Variants in HNRNPC observed in about 807,000 individuals in gnomAD.
HNRNPC encodes the protein heterogeneous nuclear ribonucleoprotein C, also known as heterogeneous nuclear ribonucleoproteins C1/C2.
In HNRNPC, 3 loss-of-function variants were observed where a neutral mutation model predicts 33.2. The ratio of observed to expected loss-of-function variants is 0.09; its 90% CI spans 0.04 to 0.23. The LOEUF (loss-of-function observed/expected upper bound fraction) is 0.23, where lower values mean the gene tolerates loss of function less well. Among genes scored for constraint, HNRNPC ranks in the 10% least tolerant of loss-of-function variants. The pLI is 1.00. For synonymous variants in HNRNPC, 121 were observed against 126.7 expected (o/e 0.96, Z 0.30); for missense variants, 143 against 366.7 (o/e 0.39, Z 4.98).
At chr14:21,226,550 G>T (rs1311817139) in intron 5 of HNRNPC, among the ~76,000 whole-genome samples, 1 of 146,664 alleles carries the variant, frequency 6.8e-6, no homozygotes, top group Non-Finnish European at 1.5e-5. Context: ...CAAAACCAGC[G>T]CCTTCAAATG....
intron 2 of HNRNPC, among the ~76,000 whole-genome samples, chr14:21,238,334 A>G (rs1426114849): frequency 6.6e-6 from 1 of 152,240 alleles, no homozygotes; most frequent in Non-Finnish European, 1.5e-5. Flanking sequence ...CTGAAAACGT[A>G]CAATACATAG....
chr14:21,218,040 G>C (rs942803382), intron 5 of HNRNPC, among the ~76,000 whole-genome samples: 3 of 151,724 alleles, frequency 2.0e-5, no homozygotes, highest in African/African-American at 7.2e-5. Context: ...TTTAAGAAAG[G>C]GAAAAAAAAA....
At chr14:21,256,644 G>C (rs779101363) in intron 2 of HNRNPC, among the ~76,000 whole-genome samples, 1 of 151,862 alleles carries the variant, frequency 6.6e-6, no homozygotes, top group South Asian at 2.1e-4. Context: ...AGAGCTGACA[G>C]CATTTTTTCC....
At chr14:21,246,435 G>GGTAC (rs1895987814) in intron 2 of HNRNPC, among the ~76,000 whole-genome samples, 1 of 151,872 alleles carries the variant, frequency 6.6e-6, no homozygotes, top group Non-Finnish European at 1.5e-5. Flanking sequence ...GCGTGTTGGC[G>GGTAC]GGTACCTGTA....
At chr14:21,255,346 G>C (rs1876985634) in intron 2 of HNRNPC, among the ~76,000 whole-genome samples, 2 of 152,024 alleles carry the variant, frequency 1.3e-5, no homozygotes, top group South Asian at 4.1e-4. Flanking sequence ...AATCAGATTA[G>C]GTAGAAATAA....
chr14:21,241,904 T>TA (rs1426575110), intron 2 of HNRNPC, among the ~76,000 whole-genome samples: 9 of 152,320 alleles, frequency 5.9e-5, no homozygotes, highest in African/African-American at 1.9e-4. Context: ...GAACACATTA[T>TA]GTTAACTGCT....
At chr14:21,242,979 G>A (rs1316101954) in intron 2 of HNRNPC, among the ~76,000 whole-genome samples, 2 of 152,116 alleles carry the variant, frequency 1.3e-5, no homozygotes, top group African/African-American at 4.8e-5. Context: ...ACAAAGATAA[G>A]CTGGGTGTGG....
At position 21,257,988 on chromosome 14, in the gene HNRNPC, TA is replaced by T. The variant is rs1400465028; in HGVS notation, c.-37+5322del. ...CACATATACACATCTTTAAGCCATTTAAGGTGTTGGGAAATCAAGGGCAAAA... is the reference window on the plus strand; with the variant it reads ...CACATATACACATCTTTAAGCCATTTAGGTGTTGGGAAATCAAGGGCAAAA... On this transcript the variant is annotated intron_variant, in intron 2 of 8. Transcript: ENST00000553300. Among the ~76,000 whole-genome samples the T allele has an allele frequency of 3.3e-5, 5 of 152,360 alleles. No individual in the cohort carries two copies. In the East Asian group the frequency reaches 9.6e-4, roughly 29 times the overall value.
chr14:21,219,395 T>C (rs1892585234), intron 5 of HNRNPC, among the ~76,000 whole-genome samples: 1 of 152,238 alleles, frequency 6.6e-6, no homozygotes, highest in African/African-American at 2.4e-5. Context: ...TTTTCTATGC[T>C]GACTCCAATT....
chr14:21,231,270 A>G (rs1894079756), intron 3 of HNRNPC, 198 bp from the exon 4 acceptor site: 1 of 673,444 alleles, frequency 1.5e-6, no homozygotes, highest in South Asian at 1.5e-5. Flanking sequence ...AGTAACTGTC[A>G]CTACAGGCGG....
chr14:21,247,665 C>T (rs1375208128), intron 2 of HNRNPC, among the ~76,000 whole-genome samples: 1 of 151,862 alleles, frequency 6.6e-6, no homozygotes, highest in African/African-American at 2.4e-5. Flanking sequence ...AATACCTATC[C>T]TTGGCTGGGT....
At chr14:21,267,528 G>A (rs1462192017) in intron 1 of HNRNPC, among the ~76,000 whole-genome samples, 1 of 151,288 alleles carries the variant, frequency 6.6e-6, no homozygotes, top group Non-Finnish European at 1.5e-5. Context: ...GTATTCCCGA[G>A]AGTGGCACTA....
In HNRNPC at chr14:21,230,005, C is replaced by T. The variant is rs146298779; in HGVS notation, c.365+314G>A. On this transcript the variant is annotated intron_variant, in intron 5 of 8. Coordinates refer to ENST00000553300, the MANE Select transcript of HNRNPC (RefSeq NM_004500.4). ...CATCCTATTTCCTGTTAAGCATTTG[C>T]TATCAACAGTTCTAAATCTGTTACC... Among the ~76,000 whole-genome samples the T allele has an allele frequency of 1.2e-3, 177 of 152,266 alleles. 1 individual carries two copies. The East Asian group carries it at 0.025, about 22-fold the overall frequency.
rs1891446771 is a variant in HNRNPC at position 21,209,999 on chromosome 14, T to C, written c.*1224A>G. On this transcript the variant is annotated 3_prime_UTR_variant, in exon 9 of 9. Coordinates refer to ENST00000553300, the MANE Select transcript of HNRNPC (RefSeq NM_004500.4). Reference sequence around the variant, plus strand: ...AGAGTAAAATAAATGTGTAACATTCTCTATGTTCTCAATCACCTGGGAAGG... The same window carrying C: ...AGAGTAAAATAAATGTGTAACATTCCCTATGTTCTCAATCACCTGGGAAGG... The C allele has an allele frequency of 6.6e-6, 1 of 152,202 alleles. No individual in the cohort carries two copies. The highest frequency in any genetic ancestry group is 2.1e-4 in the South Asian group (1 of 4,836). 9.4% of individuals were successfully genotyped at this position (152,202 alleles called of 1,614,324 possible). A position where few individuals can be genotyped will look rare whatever the true frequency, so the allele number is the denominator to read the frequency against.
intron 5 of HNRNPC, among the ~76,000 whole-genome samples, chr14:21,217,107 G>A (rs968113170): frequency 2.6e-5 from 4 of 152,132 alleles, no homozygotes; most frequent in Non-Finnish European, 5.9e-5. Context: ...ATTTCAGCCG[G>A]TGGGGCTTTT....
rs1594194393 is a variant in HNRNPC, at chr14:21,213,888, C to T, written c.366-771G>A. ...CTTAGCACTCAATAAACACTGGTTG[C>T]TCAACTAATTGCTGTTTCTATTAGA... On this transcript the variant is annotated intron_variant, in intron 5 of 8. Coordinates refer to ENST00000553300, the MANE Select transcript of HNRNPC (RefSeq NM_004500.4). 1.3e-5 allele frequency among the ~76,000 whole-genome samples: 2 copies of T among 152,300 alleles called. 1 individual carries two copies. Among genetic ancestry groups the T allele is most frequent in the East Asian group, 3.9e-4 (2 of 5,192 alleles).
intron 2 of HNRNPC, among the ~76,000 whole-genome samples, chr14:21,242,322 A>T (rs1272189984): frequency 6.6e-6 from 1 of 152,186 alleles, no homozygotes; most frequent in Non-Finnish European, 1.5e-5. Context: ...ATCTCTACAA[A>T]AAATACTAAA....
intron 1 of HNRNPC, among the ~76,000 whole-genome samples, chr14:21,266,793 C>T (rs549331766): frequency 6.6e-6 from 1 of 151,476 alleles, no homozygotes; most frequent in African/African-American, 2.4e-5. Flanking sequence ...TAATAACTAC[C>T]AATTTAGAAA....
At chr14:21,212,723 C>T (rs963863920) in intron 6 of HNRNPC, among the ~76,000 whole-genome samples, 5 of 151,890 alleles carry the variant, frequency 3.3e-5, no homozygotes, top group African/African-American at 7.3e-5. Context: ...TTTGTATTTT[C>T]GGTAGAGATG....
Sources: allele counts gnomAD v4.1 joint callset (sites outside exome capture counted in the v4.1 genomes callset), GRCh38; gene constraint gnomAD v4.1.1; transcripts MANE v1.5; gene names NCBI Gene and HGNC (gene_info 2026-07-23, HGNC 2026-07-21).